The following ZNF385D variants were observed in gnomAD, a reference collection of about 807,000 sequenced individuals.
The protein encoded by ZNF385D is zinc finger protein 385D, also known as zinc finger protein 659.
Under a neutral mutation model 35.8 loss-of-function variants are expected in ZNF385D, and 15 were observed. The observed-to-expected ratio is 0.42, with a 90% confidence interval of 0.28 to 0.64. ZNF385D has a LOEUF of 0.64. Ranked by LOEUF, ZNF385D falls within the 30% of genes least tolerant of loss-of-function variation. The pLI, the probability that ZNF385D is intolerant of heterozygous loss-of-function variation, is 0.23. For missense variants in ZNF385D, 474 were observed against 494.6 expected (o/e 0.96, Z 0.39); for synonymous variants, 212 against 186.8 (o/e 1.13, Z -1.10).
intron 3 of ZNF385D, among the ~76,000 whole-genome samples, chr3:21,901,690 T>C (rs114003431): frequency 6.6e-6 from 1 of 152,284 alleles, no homozygotes; most frequent in African/African-American, 2.4e-5. Context: ...TGATACTTTA[T>C]TTAGCACCAA....
chr3:21,957,590 G>C (rs1413081916), intron 3 of ZNF385D, among the ~76,000 whole-genome samples: 1 of 152,100 alleles, frequency 6.6e-6, no homozygotes, highest in Non-Finnish European at 1.5e-5. Context: ...CCAAACCCCA[G>C]AGGACATGCA....
At chr3:22,061,700 C>G (rs900661489) in intron 3 of ZNF385D, among the ~76,000 whole-genome samples, 16 of 152,292 alleles carry the variant, frequency 1.1e-4, no homozygotes, top group African/African-American at 3.6e-4. Context: ...AAGAGGCCTT[C>G]TATGACCATC....
intron 2 of ZNF385D, among the ~76,000 whole-genome samples, chr3:22,367,227 T>A (rs1696696369): frequency 6.6e-6 from 1 of 152,192 alleles, no homozygotes; most frequent in Admixed American, 6.5e-5. Flanking sequence ...GCTCTGAGAT[T>A]TATTTTCACT....
intron 3 of ZNF385D, among the ~76,000 whole-genome samples, chr3:22,038,968 T>C (rs935313910): frequency 9.3e-5 from 14 of 150,912 alleles, no homozygotes; most frequent in Admixed American, 5.9e-4. Flanking sequence ...ATGAAGAGTA[T>C]CTAAATTATA....
At chr3:22,345,242 T>C (rs182396431) in intron 2 of ZNF385D, among the ~76,000 whole-genome samples, 1 of 152,340 alleles carries the variant, frequency 6.6e-6, no homozygotes, top group East Asian at 1.9e-4. Context: ...ACTGTCCAGG[T>C]AACTCTACTA....
chr3:21,443,629 A>G (rs145895738), intron 4 of ZNF385D, among the ~76,000 whole-genome samples: 1 of 152,184 alleles, frequency 6.6e-6, no homozygotes, highest in East Asian at 1.9e-4. Flanking sequence ...AACTGATTTC[A>G]CTGTGTCTCT....
At chr3:21,670,415 CTAAG>C (rs1273680163) in intron 1 of ZNF385D, among the ~76,000 whole-genome samples, 1 of 151,576 alleles carries the variant, frequency 6.6e-6, no homozygotes. Flanking sequence ...ATATTAGATC[CTAAG>C]TAGTTATTTA....
chr3:21,694,965 G>A (rs778728214), intron 1 of ZNF385D, among the ~76,000 whole-genome samples: 1 of 152,176 alleles, frequency 6.6e-6, no homozygotes, highest in South Asian at 2.1e-4. Flanking sequence ...TTTAAAGTGA[G>A]TCAGTCCCGG....
chr3:21,719,199 G>A (rs2068439388), intron 1 of ZNF385D, among the ~76,000 whole-genome samples: 1 of 152,206 alleles, frequency 6.6e-6, no homozygotes, highest in Admixed American at 6.5e-5. Context: ...CAGAACTGCA[G>A]AATCTCAGAT....
chr3:22,265,262 C>G (rs1177636024), intron 2 of ZNF385D, among the ~76,000 whole-genome samples: 1 of 151,978 alleles, frequency 6.6e-6, no homozygotes, highest in African/African-American at 2.4e-5. Context: ...GGAAAGACCT[C>G]TCTGAGGAGG....
intron 3 of ZNF385D, among the ~76,000 whole-genome samples, chr3:21,837,583 G>A (rs989086217): frequency 6.6e-6 from 1 of 151,968 alleles, no homozygotes; most frequent in Non-Finnish European, 1.5e-5. Context: ...GGATTTAAAA[G>A]GTTGGAGAGG....
chr3:21,931,221 G>A (rs1700991484), intron 3 of ZNF385D, among the ~76,000 whole-genome samples: 1 of 152,048 alleles, frequency 6.6e-6, no homozygotes, highest in South Asian at 2.1e-4. Flanking sequence ...TTAAGAAAAT[G>A]CAAATTAAAA....
chr3:21,753,807 G>T (rs1332262526), upstream of ZNF385D, among the ~76,000 whole-genome samples: 2 of 150,902 alleles, frequency 1.3e-5, no homozygotes, highest in African/African-American at 2.4e-5. Context: ...GTGTGTGTGT[G>T]TATTTGCGTT....
intron 3 of ZNF385D, among the ~76,000 whole-genome samples, chr3:21,964,853 A>G (rs1702819177): frequency 6.6e-6 from 1 of 152,016 alleles, no homozygotes; most frequent in African/African-American, 2.4e-5. Flanking sequence ...AATAATTTCT[A>G]TTCTTATTAT....
At chr3:22,009,730 T>C (rs979306268) in intron 3 of ZNF385D, among the ~76,000 whole-genome samples, 1 of 152,058 alleles carries the variant, frequency 6.6e-6, no homozygotes, top group African/African-American at 2.4e-5. Flanking sequence ...AATATTAAAT[T>C]ATGAAATTTA....
chr3:21,453,766 T>C (rs1702612958), intron 4 of ZNF385D, among the ~76,000 whole-genome samples: 1 of 152,062 alleles, frequency 6.6e-6, no homozygotes, highest in South Asian at 2.1e-4. Flanking sequence ...CTGGTGGTAA[T>C]ATAAAATGGT....
chr3:22,196,120 G>A (rs938923075), intron 2 of ZNF385D, among the ~76,000 whole-genome samples: 7 of 151,904 alleles, frequency 4.6e-5, no homozygotes, highest in African/African-American at 9.7e-5. Context: ...AATGAACCCC[G>A]ATGACACAAG....
In ZNF385D at chr3:21,906,822, C is replaced by G. The variant is rs74626638; in HGVS notation, c.326-241794G>C. ...CAGGTGAGATAACTTATTTTCTGAT[C>G]AAAGAAGACACACTTCAAGGTCTTG... On this transcript the variant is annotated intron_variant, in intron 3 of 5. Coordinates refer to the ZNF385D transcript ENST00000494108. Among the ~76,000 whole-genome samples, 466 of 152,294 alleles carry G rather than the reference C, an allele frequency of 3.1e-3. 3 individuals are homozygous for G. Among genetic ancestry groups the G allele is most frequent in the African/African-American group, 0.011 (448 of 41,574 alleles).
intron 3 of ZNF385D, chr3:21,958,801 G>A (rs1266658628): frequency 6.6e-6 from 1 of 152,102 alleles, no homozygotes; most frequent in African/African-American, 2.4e-5. Flanking sequence ...AACCATGGAT[G>A]TTCACGATAT....
Sources: gnomAD v4.1 joint callset for allele counts (sites outside exome capture counted in the v4.1 genomes callset) on GRCh38, gnomAD v4.1.1 for gene constraint, MANE v1.5 for transcripts, NCBI Gene and HGNC (gene_info 2026-07-23, HGNC 2026-07-21) for gene names.